Variants in ZNF652 observed in about 807,000 individuals in gnomAD.
ZNF652 encodes the protein zinc finger protein 652.
In ZNF652, 16 loss-of-function variants were observed where a neutral mutation model predicts 45.2. That is an observed-to-expected ratio of 0.35 (90% CI 0.24 to 0.54). The LOEUF (loss-of-function observed/expected upper bound fraction) is 0.54. ZNF652 is among the 20% of genes least tolerant of loss of function. The pLI is 0.91. For synonymous variants in ZNF652, 250 were observed against 260.6 expected, an observed-to-expected ratio of 0.96 and a Z score of 0.39; for missense variants, 614 against 765.6, an observed-to-expected ratio of 0.80 and a Z score of 2.34.
At chr17:49,302,193 G>A (rs772487355) in intron 5 of ZNF652, among the ~76,000 whole-genome samples, 23 of 151,942 alleles carry the variant, frequency 1.5e-4, no homozygotes, top group Non-Finnish European at 3.2e-4. Context: ...GGCAGAGGTT[G>A]CAGTGAGCTG....
chr17:49,337,679 T>C (rs1012605408), intron 1 of ZNF652, among the ~76,000 whole-genome samples: 1 of 152,178 alleles, frequency 6.6e-6, no homozygotes, highest in African/African-American at 2.4e-5. Flanking sequence ...TAGAGGTAAA[T>C]AATAAACAAG....
chr17:49,320,561 G>A (rs1185724834), intron 1 of ZNF652, among the ~76,000 whole-genome samples: 1 of 152,070 alleles, frequency 6.6e-6, no homozygotes, highest in Non-Finnish European at 1.5e-5. Flanking sequence ...TCTTTTAACT[G>A]CTTATCTTTT....
chr17:49,351,524 A>T (rs965304255), intron 1 of ZNF652, among the ~76,000 whole-genome samples: 1 of 152,192 alleles, frequency 6.6e-6, no homozygotes, highest in Non-Finnish European at 1.5e-5. Flanking sequence ...TATAAAAAAG[A>T]TTAAAGAACA....
intron 2 of ZNF652, among the ~76,000 whole-genome samples, chr17:49,315,359 T>C (rs1021921491): frequency 2.6e-5 from 4 of 152,098 alleles, no homozygotes; most frequent in Non-Finnish European, 5.9e-5. Flanking sequence ...AGTTTTTACT[T>C]GTTACCAAGT....
At chr17:49,327,730 AATATATATATATATATAT>A (rs68056731) in intron 1 of ZNF652, among the ~76,000 whole-genome samples, 4 of 61,424 alleles carry the variant, frequency 6.5e-5, no homozygotes, top group Non-Finnish European at 1.2e-4. Context: ...TAAATAAATA[AATATATATATATATATAT>A]ATATATATAT....
At chr17:49,360,764 A>G (rs540204020) in intron 1 of ZNF652, among the ~76,000 whole-genome samples, 26 of 152,136 alleles carry the variant, frequency 1.7e-4, no homozygotes, top group Non-Finnish European at 3.4e-4. Flanking sequence ...AAAAAAATAC[A>G]CATTCTTTCC....
rs188892081 is a variant in ZNF652 at position 49,292,849 on chromosome 17, G to C, written c.*5564C>G. Reference sequence around the variant, plus strand: ...ACATGGAGGAACAAAACAGAAATACGGTCAAAATTCTTGTCCAAGGTTTTA... The same window carrying C: ...ACATGGAGGAACAAAACAGAAATACCGTCAAAATTCTTGTCCAAGGTTTTA... On this transcript the variant is annotated 3_prime_UTR_variant, in exon 6 of 6. Coordinates refer to ENST00000430262, the MANE Select transcript of ZNF652 (RefSeq NM_001145365.3). Among the ~76,000 whole-genome samples the C allele has an allele frequency of 6.6e-6, 1 of 152,214 alleles. No individual in the cohort carries two copies. The highest frequency in any genetic ancestry group is 6.5e-5 in the Admixed American group (1 of 15,282).
intron 5 of ZNF652, among the ~76,000 whole-genome samples, chr17:49,309,855 C>T (rs1176721814): frequency 6.6e-6 from 1 of 152,154 alleles, no homozygotes; most frequent in East Asian, 1.9e-4. Context: ...TTTCTTTGGG[C>T]TTCAACAGAG....
intron 1 of ZNF652, among the ~76,000 whole-genome samples, chr17:49,350,594 G>T (rs1184467354): frequency 6.6e-6 from 1 of 151,394 alleles, no homozygotes. Flanking sequence ...CATAAACTAT[G>T]TTATAATCAC....
Position 49,317,254 on chromosome 17 carries a change from TCTCTTC to T in ZNF652, c.466_471del (p.Glu156_Glu157del), listed in dbSNP as rs775956740. 29 of 1,612,866 alleles carry T rather than the reference TCTCTTC, an allele frequency of 1.8e-5. No individual in the cohort carries two copies. The highest frequency in any genetic ancestry group is 2.4e-5 in the Non-Finnish European group (28 of 1,179,884). The stretch of plus-strand genomic sequence containing the variant: ...CTGTCATCTGTGGCCTCTTCCTCAC[TCTCTTC>T]CTCTTCCTCCTCACTGCTTGTCTTA... On this transcript the variant is annotated inframe_deletion, in exon 2 of 6. Coordinates refer to ENST00000430262, the MANE Select transcript of ZNF652 (RefSeq NM_001145365.3).
Position 49,315,424 on chromosome 17 carries a change from T to C in ZNF652, c.900+1402A>G, listed in dbSNP as rs144556908. ...AACAAAGTACAGTGTTCTTTATGAA[T>C]GTGAATAAAGTTCATTTAGCAGAAT... On this transcript the variant is annotated intron_variant, in intron 2 of 5. Coordinates refer to ENST00000430262, the MANE Select transcript of ZNF652 (RefSeq NM_001145365.3). 2.6e-5 allele frequency among the ~76,000 whole-genome samples: 4 copies of C among 152,292 alleles called. No homozygotes were observed. In the East Asian group the frequency reaches 7.7e-4, roughly 29 times the overall value.
At chr17:49,333,545 T>TAAAAA (rs1182199037) in intron 1 of ZNF652, among the ~76,000 whole-genome samples, 3,571 of 48,046 alleles carry the variant, frequency 0.074, 391 homozygotes, top group African/African-American at 0.13. Flanking sequence ...CTGTCTCTAC[T>TAAAAA]AAAAAAAAAA....
At chr17:49,301,373 C>T (rs2069549997) in intron 5 of ZNF652, among the ~76,000 whole-genome samples, 1 of 152,176 alleles carries the variant, frequency 6.6e-6, no homozygotes, top group African/African-American at 2.4e-5. Context: ...TCTCAGCTCA[C>T]TGCAGCCTCT....
intron 1 of ZNF652, among the ~76,000 whole-genome samples, chr17:49,349,735 A>G (rs559877612): frequency 1.3e-5 from 2 of 152,306 alleles, no homozygotes; most frequent in African/African-American, 4.8e-5. Context: ...AAAGGGTACT[A>G]TTGCACAAGA....
chr17:49,300,695 T>C (rs1476200875), intron 5 of ZNF652, among the ~76,000 whole-genome samples: 1 of 152,158 alleles, frequency 6.6e-6, no homozygotes, highest in Non-Finnish European at 1.5e-5. Context: ...CATTAACTCC[T>C]GCTATAAGAG....
intron 5 of ZNF652, among the ~76,000 whole-genome samples, chr17:49,305,379 G>T (rs1251475628): frequency 6.6e-6 from 1 of 151,758 alleles, no homozygotes; most frequent in African/African-American, 2.4e-5. Flanking sequence ...CCTGGGAGGC[G>T]GAGGTTGCAG....
At chr17:49,333,741 AAAG>A (rs1555551113) in intron 1 of ZNF652, among the ~76,000 whole-genome samples, 1 of 139,186 alleles carries the variant, frequency 7.2e-6, no homozygotes, top group East Asian at 2.1e-4. Context: ...AAAAAAAAAA[AAAG>A]AAGATATACA....
chr17:49,305,437 ACT>A (rs1388931698), intron 5 of ZNF652, among the ~76,000 whole-genome samples: 5 of 152,086 alleles, frequency 3.3e-5, no homozygotes, highest in Non-Finnish European at 5.9e-5. Flanking sequence ...ACACAGCGAG[ACT>A]CTGTTTCAAA....
At chr17:49,324,450 G>A (rs1192736955) in intron 1 of ZNF652, among the ~76,000 whole-genome samples, 2 of 152,088 alleles carry the variant, frequency 1.3e-5, no homozygotes, top group Non-Finnish European at 1.5e-5. Flanking sequence ...GAGTGCAGTG[G>A]CGTGATCTCA....
Sources: allele counts gnomAD v4.1 joint callset (sites outside exome capture counted in the v4.1 genomes callset), GRCh38; gene constraint gnomAD v4.1.1; transcripts MANE v1.5; gene names NCBI Gene and HGNC (gene_info 2026-07-23, HGNC 2026-07-21).